Variants in TNS3 observed in about 807,000 individuals in gnomAD.
TNS3 encodes tensin 3, also known as tensin-3.
In TNS3, 45 loss-of-function variants were observed where a neutral mutation model predicts 140.9. The ratio of observed to expected loss-of-function variants is 0.32; its 90% CI spans 0.25 to 0.41. TNS3 has a LOEUF of 0.41. TNS3 is among the 10% of genes least tolerant of loss of function. The pLI, the probability that TNS3 is intolerant of heterozygous loss-of-function variation, is 1.00. For missense variants in TNS3, 1,716 were observed against 1,906.7 expected, an observed-to-expected ratio of 0.90 and a Z score of 1.86; for synonymous variants, 815 against 788.4, an observed-to-expected ratio of 1.03 and a Z score of -0.56.
At position 47,424,157 on chromosome 7, in the gene TNS3, T is replaced by C. The variant is rs751034527; in HGVS notation, c.417A>G (p.Ala139=). The change falls in exon 10 of 31, where the codon GCA becomes GCG. Residue 139 remains alanine, a synonymous_variant. Transcript: ENST00000311160. ...CTTTGTCATCATAAAACTTCTTCAT[T>C]GCAAACCTGTCAAGGGCCTGGTCGG... ...ASADQALDRF[A]MKKFYDDKVS... 6.2e-7 allele frequency: 1 copy of C among 1,614,160 alleles called. No individual in the cohort carries two copies. The highest frequency in any genetic ancestry group is 1.1e-5 in the South Asian group (1 of 91,072).
At chr7:47,320,247 C>T (rs1787654721) in intron 20 of TNS3, among the ~76,000 whole-genome samples, 1 of 152,150 alleles carries the variant, frequency 6.6e-6, no homozygotes, top group African/African-American at 2.4e-5. Flanking sequence ...CAGCACTTCC[C>T]CTCACCTGCA....
At chr7:47,328,768 T>C (rs1584411111) in intron 20 of TNS3, among the ~76,000 whole-genome samples, 1 of 152,302 alleles carries the variant, frequency 6.6e-6, no homozygotes, top group Non-Finnish European at 1.5e-5. Context: ...AATCCCACCC[T>C]GTCACTGCAC....
chr7:47,339,662 A>T (rs1462279091), intron 20 of TNS3, among the ~76,000 whole-genome samples: 1 of 152,118 alleles, frequency 6.6e-6, no homozygotes, highest in Non-Finnish European at 1.5e-5. Context: ...TGTTTTGGCT[A>T]TTCTGGTTCC....
intron 4 of TNS3, among the ~76,000 whole-genome samples, chr7:47,447,982 C>T (rs941986999): frequency 6.6e-6 from 1 of 152,226 alleles, no homozygotes; most frequent in Non-Finnish European, 1.5e-5. Flanking sequence ...CAAGCACATC[C>T]ACCTAAAGAA....
At chr7:47,457,407 G>A (rs530324663) in intron 4 of TNS3, among the ~76,000 whole-genome samples, 2 of 152,174 alleles carry the variant, frequency 1.3e-5, no homozygotes, top group African/African-American at 4.8e-5. Flanking sequence ...CTCTAGGCCA[G>A]GGCCTACAGC....
intron 4 of TNS3, among the ~76,000 whole-genome samples, chr7:47,463,393 G>A (rs1287411899): frequency 2.0e-5 from 3 of 152,142 alleles, no homozygotes; most frequent in Non-Finnish European, 2.9e-5. Context: ...GCAGTGAACC[G>A]AGATCATGCC....
At chr7:47,367,408 A>G (rs1222480884) in intron 17 of TNS3, among the ~76,000 whole-genome samples, 1 of 152,174 alleles carries the variant, frequency 6.6e-6, no homozygotes, top group Non-Finnish European at 1.5e-5. Context: ...TGGTCCCAAC[A>G]TGCAACTTGC....
chr7:47,289,681 T>A (rs1785594209), intron 27 of TNS3, among the ~76,000 whole-genome samples: 1 of 152,154 alleles, frequency 6.6e-6, no homozygotes, highest in Non-Finnish European at 1.5e-5. Context: ...TACATATAAA[T>A]CTAACAAACT....
intron 10 of TNS3, among the ~76,000 whole-genome samples, chr7:47,421,780 C>T (rs773126206): frequency 1.1e-4 from 17 of 152,306 alleles, no homozygotes; most frequent in Admixed American, 3.9e-4. Context: ...TTTTACGGGT[C>T]AGCTCCATGG....
At chr7:47,398,051 C>G (rs1252996083) in intron 15 of TNS3, among the ~76,000 whole-genome samples, 1 of 152,086 alleles carries the variant, frequency 6.6e-6, no homozygotes, top group Non-Finnish European at 1.5e-5. Flanking sequence ...ATATAAACTA[C>G]AAAACTGAGA....
intron 20 of TNS3, among the ~76,000 whole-genome samples, chr7:47,329,605 G>A (rs74503490): frequency 0.011 from 1,741 of 152,296 alleles, 23 homozygotes; most frequent in Non-Finnish European, 0.019. Context: ...TTCCTCCCTG[G>A]TTGTTTATGT....
intron 8 of TNS3, among the ~76,000 whole-genome samples, chr7:47,429,516 C>G (rs965159902): frequency 6.6e-6 from 1 of 152,074 alleles, no homozygotes; most frequent in Non-Finnish European, 1.5e-5. Context: ...TACAGGCGCC[C>G]GCCACCATAC....
At chr7:47,541,881 G>A (rs1224042595) in intron 1 of TNS3, among the ~76,000 whole-genome samples, 3 of 151,946 alleles carry the variant, frequency 2.0e-5, no homozygotes, top group Non-Finnish European at 2.9e-5. Context: ...CCTGAGAGAC[G>A]GAGCTTGCAG....
At chr7:47,435,147 C>G in intron 8 of TNS3, 135 bp downstream of exon 8, 1 of 1,215,536 alleles carries the variant, frequency 8.2e-7, no homozygotes, top group South Asian at 1.7e-5. Context: ...GTAGGAAAAC[C>G]TAAAGACAAA....
intron 3 of TNS3, among the ~76,000 whole-genome samples, chr7:47,491,665 A>AT (rs1797818908): frequency 6.6e-6 from 1 of 152,084 alleles, no homozygotes; most frequent in African/African-American, 2.4e-5. Context: ...TTCCTGGACA[A>AT]TTTTCTGATG....
At chr7:47,513,058 G>A (rs1382358477) in intron 2 of TNS3, among the ~76,000 whole-genome samples, 1 of 152,214 alleles carries the variant, frequency 6.6e-6, no homozygotes, top group Non-Finnish European at 1.5e-5. Context: ...AATGTCATTA[G>A]AAATTGGCAA....
intron 17 of TNS3, among the ~76,000 whole-genome samples, chr7:47,360,000 G>A (rs560841031): frequency 1.3e-5 from 2 of 152,274 alleles, no homozygotes; most frequent in East Asian, 3.9e-4. Flanking sequence ...AAGGTGGTAG[G>A]GTGGGAAACC....
intron 4 of TNS3, chr7:47,453,089 G>T (rs1460708908): frequency 3.0e-6 from 3 of 985,508 alleles, no homozygotes; most frequent in Non-Finnish European, 2.4e-6. Flanking sequence ...AGCTGGAATA[G>T]CCCACCAGGT....
chr7:47,296,910 T>C (rs1049701142), intron 24 of TNS3, among the ~76,000 whole-genome samples, 172 bp downstream of exon 24: 1 of 152,238 alleles, frequency 6.6e-6, no homozygotes, highest in Non-Finnish European at 1.5e-5. Context: ...CAAATTAATG[T>C]TCTTTCTTAA....
Sources: allele counts gnomAD v4.1 joint callset (sites outside exome capture counted in the v4.1 genomes callset), GRCh38; gene constraint gnomAD v4.1.1; transcripts MANE v1.5; gene names NCBI Gene and HGNC (gene_info 2026-07-23, HGNC 2026-07-21).